PSPC1: variants seen among roughly 807,000 people sequenced by gnomAD.
PSPC1 encodes the protein paraspeckle component 1, also known as paraspeckle protein 1.
PSPC1 carries 14 observed loss-of-function variants against 51.6 expected under a neutral mutation model. That is an observed-to-expected ratio of 0.27 (90% CI 0.18 to 0.42). The LOEUF is 0.42. Ranked by LOEUF, PSPC1 falls within the 10% of genes least tolerant of loss-of-function variation. The pLI is 1.00. For missense variants in PSPC1, 406 were observed against 701.1 expected, an observed-to-expected ratio of 0.58 and a Z score of 4.75; for synonymous variants, 193 against 231.9, an observed-to-expected ratio of 0.83 and a Z score of 1.53.
At chr13:19,743,656 A>T (rs1236288987) in intron 4 of PSPC1, among the ~76,000 whole-genome samples, 1 of 152,222 alleles carries the variant, frequency 6.6e-6, no homozygotes, top group Non-Finnish European at 1.5e-5. Context: ...TGTTGCTAAG[A>T]AAAGTCTGTT....
At chr13:19,744,431 ATATTTTT>A (rs1014773889) in intron 4 of PSPC1, among the ~76,000 whole-genome samples, 5 of 152,322 alleles carry the variant, frequency 3.3e-5, no homozygotes, top group African/African-American at 1.2e-4. Flanking sequence ...ACTAAATTAT[ATATTTTT>A]TAAAGTTCCT....
At chr13:19,779,761 C>A (rs1889687242) in intron 1 of PSPC1, among the ~76,000 whole-genome samples, 1 of 83,760 alleles carries the variant, frequency 1.2e-5, no homozygotes, top group African/African-American at 4.8e-5. Context: ...GCCCAGCCAG[C>A]CGGCCCGTCT....
intron 6 of PSPC1, among the ~76,000 whole-genome samples, chr13:19,724,344 T>C (rs1192874053): frequency 2.6e-5 from 4 of 152,326 alleles, no homozygotes; most frequent in Admixed American, 6.5e-5. Context: ...AGATAGAGTT[T>C]CTGTTTTTCA....
At position 19,703,169 on chromosome 13, in the gene PSPC1, G is replaced by A. The variant is rs376883619; in HGVS notation, c.*6C>T. On this transcript the variant is annotated 3_prime_UTR_variant, in exon 9 of 9. Transcript: ENST00000338910. Reference sequence around the variant, plus strand: ...TTTTTCTAGATAGCCAGGAATGAACGAATGTTTAATATCTACGACGCTTAT... The same window carrying A: ...TTTTTCTAGATAGCCAGGAATGAACAAATGTTTAATATCTACGACGCTTAT... 58 of 1,612,200 alleles carry A rather than the reference G, an allele frequency of 3.6e-5. No homozygotes were observed. The highest frequency in any genetic ancestry group is 1.9e-4 in the South Asian group (17 of 90,956).
At chr13:19,753,283 C>CAAAAA (rs1184204944) in intron 3 of PSPC1, among the ~76,000 whole-genome samples, 1 of 64,536 alleles carries the variant, frequency 1.5e-5, no homozygotes, top group African/African-American at 5.3e-5. Context: ...GACTCCATCT[C>CAAAAA]AAAAAAAAAA....
chr13:19,739,626 A>G (rs183935404), intron 5 of PSPC1, among the ~76,000 whole-genome samples: 16 of 152,204 alleles, frequency 1.1e-4, no homozygotes, highest in Admixed American at 7.8e-4. Context: ...GCAAGCCTGT[A>G]ATCCCAGCTA....
At chr13:19,716,772 AT>A (rs1255758808) in intron 6 of PSPC1, among the ~76,000 whole-genome samples, 1 of 152,206 alleles carries the variant, frequency 6.6e-6, no homozygotes, top group Non-Finnish European at 1.5e-5. Flanking sequence ...AAAAAACTAT[AT>A]TTAGCAATTG....
At chr13:19,712,944 C>T (rs1162155979) in intron 6 of PSPC1, among the ~76,000 whole-genome samples, 1 of 152,150 alleles carries the variant, frequency 6.6e-6, no homozygotes, top group South Asian at 2.1e-4. Context: ...AGAAAACCAC[C>T]GCTACAAACT....
chr13:19,703,239 C>A lies in PSPC1; in HGVS notation c.1508G>T (p.Gly503Val). ...SGVGPVSGGP[G>V]GFGRGSQGGN... ...CCCTTGACTTCCTCTACCAAAGCCA[C>A]CAGGACCACCACTCACAGGACCTAC... Residue 503 changes from glycine (G) to valine (V), a missense_variant, in exon 9 of 9, where the codon GGT (glycine) becomes GTT (valine). Gly to Val is a moderately radical substitution (Grantham distance 109). Transcript: ENST00000338910. 1.2e-6 allele frequency: 2 copies of A among 1,613,982 alleles called. No homozygotes were observed. The highest frequency in any genetic ancestry group is 1.7e-6 in the Non-Finnish European group (2 of 1,179,960).
At chr13:19,762,997 T>G (rs12864146) in intron 2 of PSPC1, among the ~76,000 whole-genome samples, 3 of 151,492 alleles carry the variant, frequency 2.0e-5, no homozygotes, top group African/African-American at 7.3e-5. Flanking sequence ...CCCAGCTACT[T>G]GGGAGGCTGA....
At chr13:19,777,922 G>A (rs1889341476) in intron 1 of PSPC1, among the ~76,000 whole-genome samples, 1 of 151,478 alleles carries the variant, frequency 6.6e-6, no homozygotes, top group Admixed American at 6.6e-5. Flanking sequence ...CTCCAGCCTG[G>A]GCGACAGAGT....
intron 2 of PSPC1, among the ~76,000 whole-genome samples, chr13:19,764,609 C>T (rs1276374573): frequency 7.5e-6 from 1 of 133,978 alleles, no homozygotes; most frequent in Admixed American, 9.1e-5. Context: ...TCATTTGAGG[C>T]CAGGAATTCC....
chr13:19,735,898 T>G (rs1483940637), intron 5 of PSPC1, among the ~76,000 whole-genome samples: 1 of 149,478 alleles, frequency 6.7e-6, no homozygotes, highest in Non-Finnish European at 1.5e-5. Flanking sequence ...CTCTGCTCAC[T>G]GCAAGCTACG....
At chr13:19,733,504 T>C (rs1170789837) in intron 5 of PSPC1, among the ~76,000 whole-genome samples, 1 of 152,076 alleles carries the variant, frequency 6.6e-6, no homozygotes, top group African/African-American at 2.4e-5. Flanking sequence ...CTCATGTCTG[T>C]AATCCTAGCA....
chr13:19,744,831 G>A (rs1197914912), intron 4 of PSPC1, among the ~76,000 whole-genome samples: 1 of 152,058 alleles, frequency 6.6e-6, no homozygotes, highest in African/African-American at 2.4e-5. Flanking sequence ...CCAAAGTGCT[G>A]GGATTAAAGG....
chr13:19,742,662 A>T (rs1254205574), intron 4 of PSPC1, among the ~76,000 whole-genome samples: 2 of 152,002 alleles, frequency 1.3e-5, no homozygotes, highest in African/African-American at 2.4e-5. Flanking sequence ...TCACTTGAAT[A>T]TGGGAGGCGG....
intron 2 of PSPC1, among the ~76,000 whole-genome samples, chr13:19,762,383 C>T (rs1203805177): frequency 1.3e-5 from 2 of 151,718 alleles, no homozygotes; most frequent in Non-Finnish European, 2.9e-5. Context: ...TAGTGAAATG[C>T]CATCTCTACT....
intron 6 of PSPC1, among the ~76,000 whole-genome samples, chr13:19,716,851 G>A (rs185444558): frequency 9.9e-5 from 15 of 152,146 alleles, no homozygotes; most frequent in African/African-American, 3.6e-4. Context: ...TTACATAACA[G>A]AACAATAAGG....
intron 4 of PSPC1, among the ~76,000 whole-genome samples, chr13:19,746,604 G>A (rs571109004): frequency 5.9e-4 from 89 of 151,860 alleles, no homozygotes; most frequent in Non-Finnish European, 1.1e-3. Context: ...TCATGCCTGA[G>A]GGAGGAGAAT....
Sources: allele counts gnomAD v4.1 joint callset (sites outside exome capture counted in the v4.1 genomes callset), GRCh38; gene constraint gnomAD v4.1.1; transcripts MANE v1.5; gene names NCBI Gene and HGNC (gene_info 2026-07-23, HGNC 2026-07-21).